NRCAM: variants seen among roughly 807,000 people sequenced by gnomAD.
NRCAM encodes NgCAM-related cell adhesion molecule.
In NRCAM, 83 loss-of-function variants were observed where a neutral mutation model predicts 156.5. That is an observed-to-expected ratio of 0.53 (90% confidence interval 0.44 to 0.64). The LOEUF is 0.64. Among genes scored for constraint, NRCAM ranks in the 30% least tolerant of loss-of-function variants. The pLI is 0.00. For missense variants in NRCAM, 1,417 were observed against 1,597.3 expected (o/e 0.89, Z 1.92); for synonymous variants, 538 against 563.9 (o/e 0.95, Z 0.65).
At chr7:108,204,041 A>C (rs1178851560) in intron 13 of NRCAM, among the ~76,000 whole-genome samples, 1 of 152,098 alleles carries the variant, frequency 6.6e-6, no homozygotes, top group Non-Finnish European at 1.5e-5. Flanking sequence ...GCCGTGCTAG[A>C]TGTGGGGTGC....
chr7:108,247,375 C>T (rs1193113792), intron 3 of NRCAM, among the ~76,000 whole-genome samples: 3 of 152,138 alleles, frequency 2.0e-5, no homozygotes, highest in Non-Finnish European at 2.9e-5. Flanking sequence ...ATGGCCGAAC[C>T]TAAATTAGTA....
intron 2 of NRCAM, among the ~76,000 whole-genome samples, chr7:108,374,616 G>C (rs1368667081): frequency 6.6e-6 from 1 of 152,152 alleles, no homozygotes; most frequent in Non-Finnish European, 1.5e-5. Context: ...CAAATATGAA[G>C]TGAGATTTCA....
chr7:108,233,128 A>G (rs1428520284), intron 6 of NRCAM, among the ~76,000 whole-genome samples: 1 of 152,164 alleles, frequency 6.6e-6, no homozygotes, highest in Non-Finnish European at 1.5e-5. Context: ...ATCCCTTGGG[A>G]GGTATGCCCA....
At chr7:108,279,505 GT>G (rs113721532) in intron 3 of NRCAM, among the ~76,000 whole-genome samples, 4 of 150,714 alleles carry the variant, frequency 2.7e-5, no homozygotes, top group Admixed American at 6.6e-5. Flanking sequence ...ATGCAACACT[GT>G]TTTTTTTTGG....
At chr7:108,216,602 C>A (rs2089100673) in intron 11 of NRCAM, among the ~76,000 whole-genome samples, 2 of 152,058 alleles carry the variant, frequency 1.3e-5, no homozygotes, top group South Asian at 4.1e-4. Flanking sequence ...TTGGAGACTT[C>A]ATTCATTCTT....
chr7:108,349,147 A>G (rs529119399), intron 2 of NRCAM, among the ~76,000 whole-genome samples: 10 of 152,278 alleles, frequency 6.6e-5, no homozygotes, highest in African/African-American at 1.9e-4. Flanking sequence ...CAAAGAGAGC[A>G]CTGGTTTGCC....
chr7:108,221,149 A>T (rs2092112083), intron 11 of NRCAM, among the ~76,000 whole-genome samples: 1 of 152,222 alleles, frequency 6.6e-6, no homozygotes, highest in African/African-American at 2.4e-5. Flanking sequence ...GCAATGCAAT[A>T]CCACCTTACT....
chr7:108,302,997 T>C (rs2098652268), intron 3 of NRCAM, among the ~76,000 whole-genome samples: 1 of 152,220 alleles, frequency 6.6e-6, no homozygotes, highest in African/African-American at 2.4e-5. Flanking sequence ...AGTATTGCTC[T>C]GCAGCCCAGG....
chr7:108,217,716 C>T (rs1324965461), intron 11 of NRCAM, among the ~76,000 whole-genome samples: 1 of 152,154 alleles, frequency 6.6e-6, no homozygotes, highest in African/African-American at 2.4e-5. Flanking sequence ...TTTGTTTACA[C>T]TGTGAAGGGA....
At chr7:108,319,919 C>A (rs557345942) in intron 2 of NRCAM, among the ~76,000 whole-genome samples, 26 of 152,248 alleles carry the variant, frequency 1.7e-4, no homozygotes, top group African/African-American at 5.8e-4. Flanking sequence ...TGGGAAGCCA[C>A]TGATGTATTT....
chr7:108,427,836 A>T (rs572122669), intron 1 of NRCAM, among the ~76,000 whole-genome samples: 1 of 152,320 alleles, frequency 6.6e-6, no homozygotes, highest in Admixed American at 6.5e-5. Context: ...AGTTATTTCA[A>T]TCTTGCTCTT....
chr7:108,397,016 A>C (rs1165861791), intron 2 of NRCAM, among the ~76,000 whole-genome samples: 2 of 152,236 alleles, frequency 1.3e-5, no homozygotes, highest in Non-Finnish European at 2.9e-5. Flanking sequence ...TAACCAAAGC[A>C]AGTGTCATTG....
Position 108,170,708 on chromosome 7 carries a change from C to T in NRCAM, c.3188-2306G>A, listed in dbSNP as rs924328588. On this transcript the variant is annotated intron_variant, in intron 28 of 32. Coordinates refer to ENST00000379028, the MANE Select transcript of NRCAM (RefSeq NM_001037132.4). ...GGTCTCCTGAGCTATGGGTATGTCA[C>T]GGGCATATGTTCTCAACCTGGGCAA... 5.9e-5 allele frequency among the ~76,000 whole-genome samples: 9 copies of T among 152,278 alleles called. No individual in the cohort carries two copies. The South Asian group carries it at 1.0e-3, about 18-fold the overall frequency.
At chr7:108,217,952 GCAC>G (rs2090206438) in intron 11 of NRCAM, among the ~76,000 whole-genome samples, 2 of 151,976 alleles carry the variant, frequency 1.3e-5, no homozygotes, top group Non-Finnish European at 2.9e-5. Context: ...GGCGTTCCAG[GCAC>G]CACTGGGGTA....
At chr7:108,191,583 G>C (rs931015354) in intron 18 of NRCAM, 146 bp downstream of exon 18, 3 of 971,432 alleles carry the variant, frequency 3.1e-6, no homozygotes, top group African/African-American at 3.3e-5. Context: ...TGCCTCCAAG[G>C]CATCTTTCAA....
rs748524375 is a variant in NRCAM, at chr7:108,183,538, C to CTTT, written c.2305-621_2305-619dup. ...CTTGGTGCATGTCTTCCAGGTGGCT[C>CTTT]TTTTTTTTTCTTTTTGGAGATGGAA... On this transcript the variant is annotated intron_variant, in intron 22 of 32. Transcript: ENST00000379028. Among the ~76,000 whole-genome samples, 4 of 145,308 alleles carry CTTT rather than the reference C, an allele frequency of 2.8e-5. 1 individual carries two copies. Among genetic ancestry groups the CTTT allele is most frequent in the Non-Finnish European group, 3.1e-5 (2 of 65,474 alleles).
intron 1 of NRCAM, among the ~76,000 whole-genome samples, chr7:108,413,732 T>C (rs1161882482): frequency 6.6e-6 from 1 of 152,138 alleles, no homozygotes; most frequent in African/African-American, 2.4e-5. Flanking sequence ...TTATCAAACA[T>C]TTATTATATT....
intron 28 of NRCAM, among the ~76,000 whole-genome samples, 167 bp downstream of exon 28, chr7:108,175,155 T>G (rs1238156503): frequency 6.6e-6 from 1 of 152,230 alleles, no homozygotes; most frequent in Non-Finnish European, 1.5e-5. Context: ...GCTTTCTACT[T>G]GTAAAGAAAG....
chr7:108,212,595 C>G (rs1338231732), intron 11 of NRCAM, among the ~76,000 whole-genome samples: 1 of 152,004 alleles, frequency 6.6e-6, no homozygotes, highest in Non-Finnish European at 1.5e-5. Context: ...TATAGAAATG[C>G]AAAATGCTCT....
Sources: allele counts gnomAD v4.1 joint callset (sites outside exome capture counted in the v4.1 genomes callset), GRCh38; gene constraint gnomAD v4.1.1; transcripts MANE v1.5; gene names NCBI Gene and HGNC (gene_info 2026-07-23, HGNC 2026-07-21).